CCDC38: variants seen among roughly 807,000 people sequenced by gnomAD.
CCDC38 encodes the protein coiled-coil domain-containing protein 38.
CCDC38 carries 69 observed loss-of-function variants against 72.8 expected under a neutral mutation model. The observed-to-expected ratio is 0.95, with a 90% CI of 0.78 to 1.16. The LOEUF (loss-of-function observed/expected upper bound fraction) is 1.16. Ranked by LOEUF, CCDC38 falls within the 50% of genes most tolerant of loss-of-function variation. The pLI, the probability that CCDC38 is intolerant of heterozygous loss-of-function variation, is 0.00. For missense variants in CCDC38, 626 were observed against 638.9 expected, an observed-to-expected ratio of 0.98 and a Z score of 0.22; for synonymous variants, 201 against 213.2, an observed-to-expected ratio of 0.94 and a Z score of 0.50.
In CCDC38 at chr12:95,881,554, G is replaced by T; in HGVS notation, c.921C>A (p.Asn307Lys). ...LTRTPEKKKSNLAESFGSEDS... is the reference protein window; with the variant it reads ...LTRTPEKKKSKLAESFGSEDS... ...CTTCTGAACCGAAACTTTCAGCCAGGCTGTAAAAGAAAAAAGAAAAAGAAA... is the reference window on the plus strand; with the variant it reads ...CTTCTGAACCGAAACTTTCAGCCAGTCTGTAAAAGAAAAAAGAAAAAGAAA... The change falls in exon 11 of 16, where the codon AAC becomes AAA. Residue 307 changes from asparagine (N) to lysine (K), a missense_variant and splice_region_variant. Asn to Lys is a moderately conservative substitution (Grantham distance 94). Transcript: ENST00000344280. 1.2e-6 allele frequency: 2 copies of T among 1,605,840 alleles called. No homozygotes were observed. The highest frequency in any genetic ancestry group is 2.2e-5 in the South Asian group (2 of 89,536).
At chr12:95,896,930 G>C (rs894707595) in intron 7 of CCDC38, among the ~76,000 whole-genome samples, 3 of 152,192 alleles carry the variant, frequency 2.0e-5, no homozygotes, top group Non-Finnish European at 4.4e-5. Flanking sequence ...CAAAAATAGA[G>C]GCTGCTACTC....
rs538308883 is a variant in CCDC38 at position 95,882,192 on chromosome 12, A to T, written c.921-638T>A. ...AAAGAAGCAGGGATAGGGAGAGAGTAAGTTGGCTGTTGTTGTGATCTAGGT... is the reference window on the plus strand; with the variant it reads ...AAAGAAGCAGGGATAGGGAGAGAGTTAGTTGGCTGTTGTTGTGATCTAGGT... On this transcript the variant is annotated intron_variant, in intron 10 of 15. Transcript: ENST00000344280. Among the ~76,000 whole-genome samples the T allele has an allele frequency of 7.9e-5, 12 of 152,330 alleles. No homozygotes were observed. In the East Asian group the frequency reaches 2.3e-3, roughly 29 times the overall value.
At chr12:95,897,074 T>C (rs2079897310) in intron 7 of CCDC38, among the ~76,000 whole-genome samples, 1 of 152,106 alleles carries the variant, frequency 6.6e-6, no homozygotes, top group South Asian at 2.1e-4. Context: ...GTAGCCAGAA[T>C]ATGAAATGCA....
intron 14 of CCDC38, chr12:95,869,871 T>C (rs1006403835): frequency 1.1e-5 from 3 of 273,908 alleles, no homozygotes; most frequent in Non-Finnish European, 2.1e-5. Flanking sequence ...TTGCCTAGGC[T>C]GGAGTGCAGT....
Position 95,872,428 on chromosome 12 carries a change from A to G in CCDC38, c.1311T>C (p.Ile437=). 6.2e-7 allele frequency: 1 copy of G among 1,614,002 alleles called. No individual in the cohort carries two copies. The highest frequency in any genetic ancestry group is 1.1e-5 in the South Asian group (1 of 91,072). Residue 437 remains isoleucine, a synonymous_variant, in exon 14 of 16, where the codon ATT becomes ATC. Coordinates refer to ENST00000344280, the MANE Select transcript of CCDC38 (RefSeq NM_182496.3). ...CAATGCAGACTTTGTATACTTGAGTAATCTTTTTACTAAGTGAGTCTATCA... is the reference window on the plus strand; with the variant it reads ...CAATGCAGACTTTGTATACTTGAGTGATCTTTTTACTAAGTGAGTCTATCA... ...EILIDSLSKK[I]TQVYKVCIGD... is the part of the protein sequence containing the mutation.
intron 5 of CCDC38, among the ~76,000 whole-genome samples, chr12:95,899,085 A>G (rs2079924118): frequency 6.6e-6 from 1 of 152,140 alleles, no homozygotes; most frequent in South Asian, 2.1e-4. Context: ...GCAGTCACAA[A>G]AGCTACCAGC....
At position 95,872,350 on chromosome 12, in the gene CCDC38, T is replaced by G. The variant is rs2079589975; in HGVS notation, c.1389A>C (p.Glu463Asp). Residue 463 changes from glutamate (E) to aspartate (D), a missense_variant, in exon 14 of 16, where the codon GAA becomes GAC. By Grantham distance (45) the Glu-to-Asp change is conservative. Coordinates refer to ENST00000344280, the MANE Select transcript of CCDC38 (RefSeq NM_182496.3). ...GGTCACACAGTTCTACCAGGCGAGATTCTACTTTTACCAGCTTTTGAATTG... is the reference window on the plus strand; with the variant it reads ...GGTCACACAGTTCTACCAGGCGAGAGTCTACTTTTACCAGCTTTTGAATTG... ...LNPIQKLVKV[E>D]SRLVELCDLI... 6.2e-7 allele frequency: 1 copy of G among 1,614,202 alleles called. No individual in the cohort carries two copies. The highest frequency in any genetic ancestry group is 2.2e-5 in the East Asian group (1 of 44,880).
intron 4 of CCDC38, among the ~76,000 whole-genome samples, chr12:95,907,031 G>C (rs1271631746): frequency 4.0e-5 from 6 of 151,564 alleles, no homozygotes; most frequent in African/African-American, 1.5e-4. Flanking sequence ...GACTCTTAAC[G>C]AGCATGCTGC....
At chr12:95,899,027 G>A (rs963925986) in intron 5 of CCDC38, among the ~76,000 whole-genome samples, 1 of 152,180 alleles carries the variant, frequency 6.6e-6, no homozygotes, top group Non-Finnish European at 1.5e-5. Context: ...ATTACCTACA[G>A]TGTATTACCC....
intron 2 of CCDC38, chr12:95,935,517 C>A (rs1431191065): frequency 6.2e-6 from 2 of 323,920 alleles, no homozygotes; most frequent in South Asian, 2.5e-5. Context: ...ATGCTTGTAT[C>A]CAGACTTAAC....
chr12:95,940,084 A>G (rs2080432744), intron 1 of CCDC38, among the ~76,000 whole-genome samples: 1 of 150,912 alleles, frequency 6.6e-6, no homozygotes, highest in Non-Finnish European at 1.5e-5. Context: ...CTTGTGAAGA[A>G]GTGATCCCTT....
chr12:95,932,628 G>T (rs190576743), intron 2 of CCDC38, among the ~76,000 whole-genome samples: 1 of 152,132 alleles, frequency 6.6e-6, no homozygotes, highest in Non-Finnish European at 1.5e-5. Flanking sequence ...CATTAAAGTA[G>T]ATCTAAATTA....
chr12:95,909,363 C>T (rs1265611783), intron 4 of CCDC38, among the ~76,000 whole-genome samples: 2 of 152,056 alleles, frequency 1.3e-5, no homozygotes, highest in Non-Finnish European at 2.9e-5. Flanking sequence ...GAAATTGTAA[C>T]CCTGAACAGA....
intron 2 of CCDC38, among the ~76,000 whole-genome samples, chr12:95,923,532 CTTTTT>C (rs112996030): frequency 5.3e-5 from 8 of 150,160 alleles, no homozygotes; most frequent in Admixed American, 2.0e-4. Flanking sequence ...TCCCAAGTGT[CTTTTT>C]TTTTTTAATT....
chr12:95,888,364 G>C (rs1379014726), intron 10 of CCDC38, 94 bp downstream of exon 10: 1 of 1,088,084 alleles, frequency 9.2e-7, no homozygotes, highest in Non-Finnish European at 1.4e-6. Flanking sequence ...AACAGTTATG[G>C]GTACATGACA....
chr12:95,925,547 G>A (rs1285559127), intron 2 of CCDC38, among the ~76,000 whole-genome samples: 1 of 152,128 alleles, frequency 6.6e-6, no homozygotes, highest in Admixed American at 6.5e-5. Flanking sequence ...TCTCCTGCCT[G>A]ATTGCCCTGG....
intron 8 of CCDC38, 85 bp from the exon 9 acceptor site, chr12:95,891,015 T>C: frequency 1.4e-6 from 1 of 731,906 alleles, no homozygotes; most frequent in East Asian, 2.6e-5. Flanking sequence ...TGTCTCAGGG[T>C]GAAGATAGAG....
At position 95,881,486 on chromosome 12, in the gene CCDC38, A is replaced by G. The variant is rs1207916610; in HGVS notation, c.989T>C (p.Leu330Ser). Residue 330 changes from leucine (L) to serine (S), a missense_variant and splice_region_variant, in exon 11 of 16, where the codon TTG becomes TCG. Leu to Ser is a moderately radical substitution (Grantham distance 145). Coordinates refer to ENST00000344280, the MANE Select transcript of CCDC38 (RefSeq NM_182496.3). ...FLLDDEMDVD[L>S]EPALYFKEPE... ...AACTAGCAAATATAATCTGGTTACC[A>G]AATCAACGTCCATTTCATCATCTAA... 1.9e-6 allele frequency: 3 copies of G among 1,607,006 alleles called. No individual in the cohort carries two copies. In the South Asian group the frequency reaches 3.3e-5, roughly 18 times the overall value.
chr12:95,870,536 C>A (rs61939173), intron 14 of CCDC38, among the ~76,000 whole-genome samples: 6,763 of 152,072 alleles, frequency 0.044, 508 homozygotes, highest in African/African-American at 0.16. Flanking sequence ...AGCTAAAATT[C>A]TTTTTAAGAA....
Sources: allele counts gnomAD v4.1 joint callset (sites outside exome capture counted in the v4.1 genomes callset), GRCh38; gene constraint gnomAD v4.1.1; transcripts MANE v1.5; gene names NCBI Gene and HGNC (gene_info 2026-07-23, HGNC 2026-07-21).